The following SMG1 variants were observed in gnomAD, a reference collection of about 807,000 sequenced individuals.
The protein encoded by SMG1 is serine/threonine-protein kinase SMG1.
In SMG1, 22 loss-of-function variants were observed where a neutral mutation model predicts 419.9. The ratio of observed to expected loss-of-function variants is 0.05; its 90% CI spans 0.04 to 0.07. The LOEUF (loss-of-function observed/expected upper bound fraction) is 0.07. SMG1 is among the 10% of genes least tolerant of loss of function. SMG1 has a pLI of 1.00. For missense variants in SMG1, 3,185 were observed against 4,342.0 expected, an observed-to-expected ratio of 0.73 and a Z score of 7.49; for synonymous variants, 1,538 against 1,553.5, an observed-to-expected ratio of 0.99 and a Z score of 0.23.
At chr16:18,858,856 T>A (rs1201152015) in intron 28 of SMG1, 166 bp downstream of exon 28, 2 of 567,520 alleles carry the variant, frequency 3.5e-6, no homozygotes, top group African/African-American at 1.9e-5. Flanking sequence ...ATCTGCCCCA[T>A]GTACTTCTCA....
chr16:18,888,462 A>T (rs2036733207), intron 6 of SMG1, among the ~76,000 whole-genome samples: 1 of 143,228 alleles, frequency 7.0e-6, no homozygotes, highest in African/African-American at 2.5e-5. Flanking sequence ...TCTAAAAACC[A>T]AAGAGGAAAA....
chr16:18,841,591 G>A lies in SMG1; in HGVS notation c.6670C>T (p.Arg2224Trp), dbSNP rs370642762. 1.9e-6 allele frequency: 3 copies of A among 1,613,738 alleles called. No homozygotes were observed. Among genetic ancestry groups the A allele is most frequent in the African/African-American group, 1.3e-5 (1 of 74,866 alleles). The change falls in exon 41 of 63, where the codon CGG (arginine) becomes TGG (tryptophan). Residue 2224 changes from arginine (R) to tryptophan (W), a missense_variant. Transcript: ENST00000446231. ...TTTTGTGCTTGTAAGGCAGCTTCCCGTTGTTGCCATCGTTTGTAAAGACCA... is the reference window on the plus strand; with the variant it reads ...TTTTGTGCTTGTAAGGCAGCTTCCCATTGTTGCCATCGTTTGTAAAGACCA... ...LFGLYKRWQQ[R>W]EAALQAQKAQ...
At chr16:18,821,189 T>C (rs975327657) in intron 55 of SMG1, among the ~76,000 whole-genome samples, 2 of 151,114 alleles carry the variant, frequency 1.3e-5, no homozygotes, top group Non-Finnish European at 2.9e-5. Context: ...AATTATCAAA[T>C]TCATTAAAAA....
intron 1 of SMG1, among the ~76,000 whole-genome samples, chr16:18,913,801 C>T (rs986132112): frequency 4.6e-5 from 7 of 151,906 alleles, no homozygotes; most frequent in African/African-American, 1.7e-4. Context: ...TAGTGTCTCC[C>T]CTTAATAAAC....
At chr16:18,821,217 G>GTTT (rs2032501770) in intron 55 of SMG1, among the ~76,000 whole-genome samples, 4 of 31,736 alleles carry the variant, frequency 1.3e-4, no homozygotes, top group African/African-American at 4.2e-4. Flanking sequence ...TATTTAGTAT[G>GTTT]TTTCTTTTTT....
intron 13 of SMG1, among the ~76,000 whole-genome samples, chr16:18,874,085 AC>A (rs1395079370): frequency 6.6e-6 from 1 of 152,168 alleles, no homozygotes; most frequent in Non-Finnish European, 1.5e-5. Flanking sequence ...ATCAAGTTTT[AC>A]CTTTTTCCTC....
intron 1 of SMG1, among the ~76,000 whole-genome samples, chr16:18,905,744 T>A (rs1271111602): frequency 6.6e-5 from 10 of 151,878 alleles, no homozygotes; most frequent in African/African-American, 2.2e-4. Context: ...CCCAAGTAGC[T>A]GAGATTACAG....
At chr16:18,835,244 A>G (rs2033481798) in intron 48 of SMG1, 80 bp from the exon 49 acceptor site, 4 of 1,376,852 alleles carry the variant, frequency 2.9e-6, no homozygotes, top group South Asian at 1.4e-5. Context: ...TAATCCTCAA[A>G]CAAAACTTGA....
At chr16:18,888,164 CAAAAAAAAAA>C (rs991748168) in intron 6 of SMG1, among the ~76,000 whole-genome samples, 1 of 41,212 alleles carries the variant, frequency 2.4e-5, no homozygotes, top group Non-Finnish European at 4.8e-5. Context: ...GACTCTGCAT[CAAAAAAAAAA>C]AAAAAAAAAA....
chr16:18,853,036 G>A (rs190089168), intron 31 of SMG1, among the ~76,000 whole-genome samples: 78 of 152,164 alleles, frequency 5.1e-4, no homozygotes, highest in African/African-American at 1.8e-3. Flanking sequence ...AAACTCTTAG[G>A]CTTCAGAACA....
At position 18,859,720 on chromosome 16, in the gene SMG1, A is replaced by C. The variant is rs1328150944; in HGVS notation, c.3806-17T>G. Reference sequence around the variant, plus strand: ...TTTTCATGTCTACCAAAGTTAAATAAAACGTCATTAAGTTCATGTGCTTTT... The same window carrying C: ...TTTTCATGTCTACCAAAGTTAAATACAACGTCATTAAGTTCATGTGCTTTT... On this transcript the variant is annotated splice_polypyrimidine_tract_variant and intron_variant, in intron 26 of 62. Transcript: ENST00000446231. 1.3e-6 allele frequency: 2 copies of C among 1,580,816 alleles called. No individual in the cohort carries two copies. Among genetic ancestry groups the C allele is most frequent in the African/African-American group, 2.7e-5 (2 of 73,356 alleles).
rs779660900 is a variant in SMG1, at chr16:18,829,573, G to T, written c.9316C>A (p.Leu3106Met). Residue 3106 changes from leucine to methionine, a missense_variant, in exon 54 of 63, where the codon CTG (leucine) becomes ATG (methionine). By Grantham distance (15) the Leu-to-Met change is conservative. Coordinates refer to ENST00000446231, the MANE Select transcript of SMG1 (RefSeq NM_015092.5). ...GLPNQALGLT[L>M]CSFISALGVD... is the part of the protein sequence containing the mutation. ...CCCAGAGCACTGATAAAACTGCACA[G>T]TGTGAGTCCGAGGGCTTGGTTGGGT... 5.6e-6 allele frequency: 9 copies of T among 1,614,028 alleles called. No homozygotes were observed. In the South Asian group the frequency reaches 9.9e-5, roughly 18 times the overall value.
chr16:18,830,748 G>A (rs1017477153), intron 51 of SMG1, among the ~76,000 whole-genome samples: 18 of 152,032 alleles, frequency 1.2e-4, no homozygotes, highest in Admixed American at 7.2e-4. Flanking sequence ...GGCCAAGATC[G>A]CGCCATTACA....
intron 50 of SMG1, 45 bp downstream of exon 50, chr16:18,834,159 A>G: frequency 7.3e-7 from 1 of 1,374,284 alleles, no homozygotes; most frequent in Non-Finnish European, 1.0e-6. Flanking sequence ...GAAAGACAAT[A>G]TTCAGTATCT....
intron 1 of SMG1, among the ~76,000 whole-genome samples, chr16:18,921,387 C>T (rs1567468836): frequency 6.6e-6 from 1 of 152,000 alleles, no homozygotes; most frequent in South Asian, 2.1e-4. Context: ...TAAAAACAAA[C>T]GTTCCTTTAG....
At chr16:18,818,414 G>A (rs897532691) in intron 56 of SMG1, among the ~76,000 whole-genome samples, 2 of 151,152 alleles carry the variant, frequency 1.3e-5, no homozygotes, top group African/African-American at 2.4e-5. Flanking sequence ...TTTTTTTTTG[G>A]TAGAGACAGT....
intron 1 of SMG1, among the ~76,000 whole-genome samples, chr16:18,924,436 T>A (rs1409520800): frequency 6.6e-6 from 1 of 152,222 alleles, no homozygotes; most frequent in Non-Finnish European, 1.5e-5. Flanking sequence ...AATTCTCTTA[T>A]ATACTTATAC....
intron 1 of SMG1, among the ~76,000 whole-genome samples, chr16:18,915,246 T>TACAG (rs1459019996): frequency 6.6e-6 from 1 of 152,128 alleles, no homozygotes; most frequent in Non-Finnish European, 1.5e-5. Context: ...TTGCTGAGAT[T>TACAG]ACAGGTGTGA....
intron 36 of SMG1, 126 bp downstream of exon 36, chr16:18,849,091 A>AC (rs1596515903): frequency 4.4e-6 from 1 of 224,844 alleles, no homozygotes; most frequent in Non-Finnish European, 8.1e-6. Context: ...AAAAAAAAAA[A>AC]AAAAAAAAAA....
Sources: allele counts gnomAD v4.1 joint callset (sites outside exome capture counted in the v4.1 genomes callset), GRCh38; gene constraint gnomAD v4.1.1; transcripts MANE v1.5; gene names NCBI Gene and HGNC (gene_info 2026-07-23, HGNC 2026-07-21).